The following WWOX variants were observed in gnomAD, a reference collection of about 807,000 sequenced individuals.
WWOX encodes the protein WW domain containing oxidoreductase, also known as WW domain-containing oxidoreductase.
WWOX carries 69 observed loss-of-function variants against 46.2 expected under a neutral mutation model. The ratio of observed to expected loss-of-function variants is 1.49; its 90% confidence interval spans 1.23 to 1.82. The LOEUF (loss-of-function observed/expected upper bound fraction) is 1.82, where lower values mean the gene tolerates loss of function less well. Ranked by LOEUF, WWOX falls within the 40% of genes most tolerant of loss-of-function variation. WWOX has a pLI of 0.00. For synonymous variants in WWOX, 359 were observed against 202.6 expected (o/e 1.77, Z -6.56); for missense variants, 919 against 542.6 (o/e 1.69, Z -6.89).
At chr16:78,993,050 T>A (rs377228124) in intron 8 of WWOX, among the ~76,000 whole-genome samples, 1 of 152,208 alleles carries the variant, frequency 6.6e-6, no homozygotes, top group African/African-American at 2.4e-5. Context: ...TATATAATTT[T>A]TCATATAAAT....
In WWOX at chr16:78,984,917, A is replaced by C. The variant is rs187522608; in HGVS notation, c.1057-226691A>C. On this transcript the variant is annotated intron_variant, in intron 8 of 8. Transcript: ENST00000566780. ...CTTTTTTCAGTTAATCGGCTCATCA[A>C]GGTTCTGGTGTTGAAGTCTGATTTC... Among the ~76,000 whole-genome samples the C allele has an allele frequency of 5.3e-5, 8 of 152,134 alleles. No homozygotes were observed. In the East Asian group the frequency reaches 1.5e-3, roughly 29 times the overall value.
chr16:78,197,048 G>C (rs1253077557), intron 5 of WWOX, among the ~76,000 whole-genome samples: 2 of 152,198 alleles, frequency 1.3e-5, no homozygotes, highest in African/African-American at 4.8e-5. Flanking sequence ...AATAATAGCA[G>C]TTAGTGGGAG....
intron 8 of WWOX, among the ~76,000 whole-genome samples, chr16:78,735,394 A>AACAGAC (rs1555525779): frequency 8.2e-6 from 1 of 121,276 alleles, no homozygotes; most frequent in African/African-American, 3.1e-5. Flanking sequence ...ACCACACACA[A>AACAGAC]ACACACACAC....
chr16:78,609,534 CTTTCTTTTCTTTT>C (rs371493439), intron 8 of WWOX, among the ~76,000 whole-genome samples: 18 of 144,476 alleles, frequency 1.2e-4, no homozygotes, highest in African/African-American at 4.6e-4. Flanking sequence ...TTTTTTCTTT[CTTTCTTTTCTTTT>C]TTTTTCTTTT....
At chr16:78,362,713 GA>G (rs2081437674) in intron 5 of WWOX, among the ~76,000 whole-genome samples, 1 of 152,148 alleles carries the variant, frequency 6.6e-6, no homozygotes, top group African/African-American at 2.4e-5. Context: ...GGGTTTCCAG[GA>G]AACAGCCTCA....
rs183943887 is a variant in WWOX, at chr16:78,385,282, T to C, written c.517-1578T>C. Among the ~76,000 whole-genome samples the C allele has an allele frequency of 2.0e-5, 3 of 152,326 alleles. No individual in the cohort carries two copies. In the East Asian group the frequency reaches 5.8e-4, roughly 29 times the overall value. Reference sequence around the variant, plus strand: ...ACATCATTGCCATCCATCTGTCCACTGTGCTGGACTATAACCCACCCAGAC... The same window carrying C: ...ACATCATTGCCATCCATCTGTCCACCGTGCTGGACTATAACCCACCCAGAC... On this transcript the variant is annotated intron_variant, in intron 5 of 8. Coordinates refer to ENST00000566780, the MANE Select transcript of WWOX (RefSeq NM_016373.4).
At chr16:78,811,493 CTCTT>C (rs1247676126) in intron 8 of WWOX, among the ~76,000 whole-genome samples, 1 of 151,748 alleles carries the variant, frequency 6.6e-6, no homozygotes, top group Middle Eastern at 3.4e-3. Flanking sequence ...CTCTCCCTCC[CTCTT>C]TCTTTTCTTT....
At chr16:79,062,922 C>T (rs2048380230) in intron 8 of WWOX, among the ~76,000 whole-genome samples, 1 of 152,324 alleles carries the variant, frequency 6.6e-6, no homozygotes, top group Middle Eastern at 3.4e-3. Context: ...TGGCTGTCCA[C>T]CTGCTCAAAA....
chr16:78,831,170 T>A (rs1380634270), intron 8 of WWOX, among the ~76,000 whole-genome samples: 1 of 152,150 alleles, frequency 6.6e-6, no homozygotes, highest in African/African-American at 2.4e-5. Context: ...ATTTGGGGGC[T>A]GAAGACCCTG....
chr16:79,055,294 A>AAAG (rs2048240976), intron 8 of WWOX, among the ~76,000 whole-genome samples: 1 of 152,212 alleles, frequency 6.6e-6, no homozygotes, highest in African/African-American at 2.4e-5. Flanking sequence ...ACATTGTGAT[A>AAAG]AAGATGAATA....
chr16:79,092,986 G>A (rs191554152), intron 8 of WWOX, among the ~76,000 whole-genome samples: 45 of 152,110 alleles, frequency 3.0e-4, no homozygotes, highest in African/African-American at 4.8e-5. Context: ...AAGTAATCGC[G>A]GTTTTCACCA....
intron 5 of WWOX, among the ~76,000 whole-genome samples, chr16:78,243,938 T>TA (rs1567453503): frequency 1.3e-5 from 2 of 152,218 alleles, no homozygotes; most frequent in Non-Finnish European, 2.9e-5. Context: ...CTTCCCGCAT[T>TA]AATTCATTTA....
At chr16:78,757,157 C>A (rs2049671433) in intron 8 of WWOX, 4 of 617,042 alleles carry the variant, frequency 6.5e-6, no homozygotes, top group Non-Finnish European at 1.2e-5. Context: ...AGTTTCTGCA[C>A]CACAGAAATT....
At chr16:78,578,308 T>TTTTTTTTTTTG in intron 8 of WWOX, among the ~76,000 whole-genome samples, 1 of 129,050 alleles carries the variant, frequency 7.7e-6, no homozygotes, top group East Asian at 2.2e-4. Flanking sequence ...TTTTTTTTTT[T>TTTTTTTTTTTG]GGTCGGAGTC....
At chr16:78,597,058 G>T (rs548692620) in intron 8 of WWOX, among the ~76,000 whole-genome samples, 1 of 152,166 alleles carries the variant, frequency 6.6e-6, no homozygotes, top group East Asian at 1.9e-4. Context: ...CCTCTTCTGC[G>T]TAGAAGCGCT....
chr16:79,162,750 C>T (rs1306363164), intron 8 of WWOX, among the ~76,000 whole-genome samples: 1 of 152,142 alleles, frequency 6.6e-6, no homozygotes, highest in African/African-American at 2.4e-5. Context: ...AAAGGGCATC[C>T]TGCAAATTTG....
At chr16:78,417,047 G>C (rs1474981396) in intron 6 of WWOX, among the ~76,000 whole-genome samples, 1 of 151,966 alleles carries the variant, frequency 6.6e-6, no homozygotes, top group Non-Finnish European at 1.5e-5. Flanking sequence ...GGGGGTGTGT[G>C]TGTGTTTGCT....
chr16:78,447,383 T>C (rs2083586530), intron 8 of WWOX, among the ~76,000 whole-genome samples: 7 of 152,244 alleles, frequency 4.6e-5, no homozygotes, highest in Admixed American at 4.6e-4. Flanking sequence ...TTCTACATCC[T>C]GCAGAAGTTT....
chr16:79,020,112 A>G (rs2047501414), intron 8 of WWOX, among the ~76,000 whole-genome samples: 1 of 152,196 alleles, frequency 6.6e-6, no homozygotes, highest in South Asian at 2.1e-4. Flanking sequence ...ATGAACAACT[A>G]CTACATGCTA....
Sources: allele counts gnomAD v4.1 joint callset (sites outside exome capture counted in the v4.1 genomes callset), GRCh38; gene constraint gnomAD v4.1.1; transcripts MANE v1.5; gene names NCBI Gene and HGNC (gene_info 2026-07-23, HGNC 2026-07-21).